DPP10: variants seen among roughly 807,000 people sequenced by gnomAD.
DPP10 encodes the protein inactive dipeptidyl peptidase 10.
A neutral mutation model predicts 120.9 loss-of-function variants in DPP10; 33 were observed. The ratio of observed to expected loss-of-function variants is 0.27; its 90% CI spans 0.21 to 0.37. DPP10 has a LOEUF of 0.37. Among genes scored for constraint, DPP10 ranks in the 10% least tolerant of loss-of-function variants. The probability of loss-of-function intolerance (pLI) is 1.00; values close to 1 mark genes in which losing one functional copy is unlikely to be tolerated. For missense variants in DPP10, 816 were observed against 942.8 expected, an observed-to-expected ratio of 0.87 and a Z score of 1.76; for synonymous variants, 337 against 326.1, an observed-to-expected ratio of 1.03 and a Z score of -0.36.
intron 12 of DPP10, 37 bp from the exon 13 acceptor site, chr2:115,768,260 C>G (rs776747908): frequency 1.3e-6 from 2 of 1,584,126 alleles, no homozygotes; most frequent in Non-Finnish European, 8.7e-7. Context: ...ATTGCATGTG[C>G]CTTTCTGAGA....
intron 1 of DPP10, among the ~76,000 whole-genome samples, chr2:115,029,076 G>A (rs931859616): frequency 6.6e-6 from 1 of 151,914 alleles, no homozygotes; most frequent in African/African-American, 2.4e-5. Context: ...GATGAATAAA[G>A]GCTTATTATT....
intron 1 of DPP10, among the ~76,000 whole-genome samples, chr2:114,464,323 A>G (rs1024870001): frequency 2.0e-5 from 3 of 152,192 alleles, no homozygotes; most frequent in Admixed American, 2.0e-4. Flanking sequence ...TCTTGTTTTA[A>G]TTTGCAGTTC....
At chr2:114,454,662 C>T (rs946317726) in intron 1 of DPP10, among the ~76,000 whole-genome samples, 19 of 152,312 alleles carry the variant, frequency 1.2e-4, no homozygotes, top group South Asian at 1.0e-3. Flanking sequence ...GCTCCTCATT[C>T]GGGCTGAATT....
chr2:115,451,975 C>T (rs1256575354), intron 3 of DPP10, among the ~76,000 whole-genome samples: 1 of 151,722 alleles, frequency 6.6e-6, no homozygotes, highest in Admixed American at 6.6e-5. Context: ...CTGGATATGA[C>T]ATTATAGTGT....
At chr2:114,766,608 A>C (rs1680725016) in intron 1 of DPP10, among the ~76,000 whole-genome samples, 1 of 152,190 alleles carries the variant, frequency 6.6e-6, no homozygotes, top group Admixed American at 6.5e-5. Flanking sequence ...AAAAGGAACA[A>C]ACTTTTGCTA....
intron 3 of DPP10, among the ~76,000 whole-genome samples, chr2:115,387,648 T>C (rs912534193): frequency 6.6e-6 from 1 of 152,204 alleles, no homozygotes; most frequent in Non-Finnish European, 1.5e-5. Context: ...ATAATGTTAT[T>C]GTTTATCTGA....
intron 1 of DPP10, among the ~76,000 whole-genome samples, chr2:114,631,582 C>G (rs963827530): frequency 6.6e-6 from 1 of 152,154 alleles, no homozygotes; most frequent in Non-Finnish European, 1.5e-5. Flanking sequence ...GACCAGAAAA[C>G]TCACAGGGCC....
intron 4 of DPP10, among the ~76,000 whole-genome samples, chr2:115,516,864 A>C (rs993716227): frequency 1.3e-5 from 2 of 152,168 alleles, no homozygotes; most frequent in Admixed American, 6.6e-5. Context: ...ATTGTTGATA[A>C]ATTTAAAAGC....
At chr2:115,036,647 G>A (rs1003732942) in intron 1 of DPP10, among the ~76,000 whole-genome samples, 7 of 152,024 alleles carry the variant, frequency 4.6e-5, no homozygotes, top group Admixed American at 6.6e-5. Flanking sequence ...TTAAGTGCTC[G>A]CCAGTTAAAG....
intron 1 of DPP10, among the ~76,000 whole-genome samples, chr2:115,050,788 G>A (rs1427299045): frequency 6.6e-6 from 1 of 152,120 alleles, no homozygotes; most frequent in African/African-American, 2.4e-5. Flanking sequence ...GATGGTACAC[G>A]GCCTCACTAG....
intron 1 of DPP10, among the ~76,000 whole-genome samples, chr2:115,243,526 A>G (rs942642558): frequency 3.9e-5 from 6 of 152,224 alleles, no homozygotes; most frequent in Admixed American, 2.6e-4. Context: ...ATATAACTGT[A>G]CAAACTGTAA....
chr2:114,473,661 T>C (rs1407720465), intron 1 of DPP10, among the ~76,000 whole-genome samples: 1 of 152,192 alleles, frequency 6.6e-6, no homozygotes, highest in Non-Finnish European at 1.5e-5. Flanking sequence ...TATTGAACCT[T>C]AGAGGACTCA....
intron 1 of DPP10, among the ~76,000 whole-genome samples, chr2:114,652,821 G>A (rs1320428160): frequency 3.3e-5 from 5 of 152,200 alleles, no homozygotes; most frequent in South Asian, 2.1e-4. Context: ...TCAGGTTGGG[G>A]AGAGAGCATT....
intron 1 of DPP10, among the ~76,000 whole-genome samples, chr2:115,250,283 G>A (rs1229227304): frequency 1.3e-5 from 2 of 152,188 alleles, no homozygotes; most frequent in Non-Finnish European, 2.9e-5. Context: ...CCCAAGATCA[G>A]TGAACCCACT....
chr2:115,353,909 A>C (rs956782930), intron 3 of DPP10, among the ~76,000 whole-genome samples: 19 of 152,142 alleles, frequency 1.2e-4, no homozygotes, highest in African/African-American at 4.3e-4. Flanking sequence ...AGTGTTTATA[A>C]ATTAATTTTT....
chr2:115,338,229 G>A lies in DPP10; in HGVS notation c.176-5588G>A, dbSNP rs1226717456. Among the ~76,000 whole-genome samples the A allele has an allele frequency of 2.0e-5, 3 of 152,088 alleles. No individual in the cohort carries two copies. The East Asian group carries it at 5.8e-4, about 29-fold the overall frequency. On this transcript the variant is annotated intron_variant, in intron 2 of 25. Coordinates refer to ENST00000410059, the MANE Select transcript of DPP10 (RefSeq NM_020868.6). ...AAAAGTTTAACATATTAATCTAATA[G>A]TATAAAAATAAGAATTCAACGTGCT...
At chr2:115,205,826 T>C (rs2056082969) in intron 1 of DPP10, among the ~76,000 whole-genome samples, 1 of 152,116 alleles carries the variant, frequency 6.6e-6, no homozygotes. Flanking sequence ...GAGATAAACA[T>C]TGCATACACA....
chr2:115,572,732 G>A (rs1488636653), intron 5 of DPP10, among the ~76,000 whole-genome samples: 1 of 152,148 alleles, frequency 6.6e-6, no homozygotes, highest in African/African-American at 2.4e-5. Context: ...TAATGTCAGG[G>A]TGTTGATTTG....
intron 13 of DPP10, 33 bp downstream of exon 13, chr2:115,768,437 C>G: frequency 6.3e-7 from 1 of 1,583,286 alleles, no homozygotes; most frequent in Non-Finnish European, 8.7e-7. Flanking sequence ...GTTTTGATTT[C>G]ATTGTCCTCA....
Sources: gnomAD v4.1 joint callset for allele counts (sites outside exome capture counted in the v4.1 genomes callset) on GRCh38, gnomAD v4.1.1 for gene constraint, MANE v1.5 for transcripts, NCBI Gene and HGNC (gene_info 2026-07-23, HGNC 2026-07-21) for gene names.